The following GATAD2A variants were observed in gnomAD, a reference collection of about 807,000 sequenced individuals.
GATAD2A encodes the protein GATA zinc finger domain containing 2A.
A neutral mutation model predicts 68.5 loss-of-function variants in GATAD2A; 12 were observed. That is an observed-to-expected ratio of 0.18 (90% CI 0.11 to 0.28). The LOEUF (loss-of-function observed/expected upper bound fraction) is 0.28, where lower values mean the gene tolerates loss of function less well. Ranked by LOEUF, GATAD2A falls within the 10% of genes least tolerant of loss-of-function variation. GATAD2A has a pLI of 1.00. For synonymous variants in GATAD2A, 410 were observed against 375.3 expected (o/e 1.09, Z -1.07); for missense variants, 755 against 868.5 (o/e 0.87, Z 1.64).
intron 1 of GATAD2A, among the ~76,000 whole-genome samples, chr19:19,424,725 CAG>C (rs2052860747): frequency 6.6e-6 from 1 of 152,144 alleles, no homozygotes; most frequent in South Asian, 2.1e-4. Context: ...TCTGGGGCCT[CAG>C]AGGCAGCGAC....
intron 1 of GATAD2A, among the ~76,000 whole-genome samples, chr19:19,407,213 G>A (rs2050381893): frequency 6.6e-6 from 1 of 152,174 alleles, no homozygotes; most frequent in African/African-American, 2.4e-5. Flanking sequence ...AACTCTTCTG[G>A]TAGTCGTTAC....
At position 19,500,121 on chromosome 19, in the gene GATAD2A, G is replaced by A. The variant is rs1001710502; in HGVS notation, c.1205-997G>A. The stretch of plus-strand genomic sequence containing the variant: ...TCAGTCTCCCTCTCCTGTTGCCAAG[G>A]ATAGGACCTCACTGTGGGAGAGACT... On this transcript the variant is annotated intron_variant, in intron 8 of 11. Transcript: ENST00000683918. 3.3e-5 allele frequency among the ~76,000 whole-genome samples: 5 copies of A among 152,228 alleles called. No individual in the cohort carries two copies. In the East Asian group the frequency reaches 9.6e-4, roughly 29 times the overall value.
intron 1 of GATAD2A, among the ~76,000 whole-genome samples, chr19:19,462,388 G>A (rs1049402523): frequency 2.0e-5 from 3 of 152,114 alleles, no homozygotes; most frequent in African/African-American, 4.8e-5. Context: ...CCCTGCACTC[G>A]GGGGCTGGCC....
chr19:19,476,055 C>T (rs977993373), intron 2 of GATAD2A, among the ~76,000 whole-genome samples: 2 of 152,184 alleles, frequency 1.3e-5, no homozygotes, highest in African/African-American at 4.8e-5. Context: ...TGCCTTTAGA[C>T]GCCCTCCTCT....
chr19:19,443,514 T>C (rs1423664458), intron 1 of GATAD2A, among the ~76,000 whole-genome samples: 3 of 152,170 alleles, frequency 2.0e-5, no homozygotes, highest in Non-Finnish European at 4.4e-5. Flanking sequence ...GTCATGCTTG[T>C]TCTGTAGAGA....
exon 1 of GATAD2A, chr19:19,385,845 T>C (rs1568684088): frequency 6.6e-6 from 1 of 151,972 alleles, no homozygotes; most frequent in Admixed American, 6.6e-5. Flanking sequence ...GCAATTTCAG[T>C]GTGAGACTGA....
At chr19:19,421,508 C>T (rs1395557495) in intron 1 of GATAD2A, among the ~76,000 whole-genome samples, 2 of 152,156 alleles carry the variant, frequency 1.3e-5, no homozygotes, top group Non-Finnish European at 2.9e-5. Context: ...ACACTGAGAG[C>T]AGCGCGCTTC....
chr19:19,449,318 T>C (rs767682748), intron 1 of GATAD2A, among the ~76,000 whole-genome samples: 12 of 151,048 alleles, frequency 7.9e-5, no homozygotes, highest in Non-Finnish European at 1.6e-4. Flanking sequence ...CCAGAGCTGC[T>C]CTCCACTGTG....
chr19:19,461,175 G>A (rs1030995918), intron 1 of GATAD2A, among the ~76,000 whole-genome samples: 2 of 152,198 alleles, frequency 1.3e-5, no homozygotes, highest in African/African-American at 2.4e-5. Context: ...TGCTGCTCCC[G>A]CCAGTGCTTT....
intron 2 of GATAD2A, among the ~76,000 whole-genome samples, chr19:19,477,213 A>G (rs2058730299): frequency 1.3e-5 from 2 of 152,126 alleles, no homozygotes; most frequent in South Asian, 4.1e-4. Flanking sequence ...GGTGGGAGAC[A>G]AGGGAGGGGA....
At position 19,502,590 on chromosome 19, in the gene GATAD2A, C is replaced by T. The variant is rs60542032; in HGVS notation, c.1774+64C>T. 2,212 of 1,286,084 alleles carry T rather than the reference C, an allele frequency of 1.7e-3. 31 individuals are homozygous for T. In the African/African-American group the frequency reaches 0.026, roughly 15 times the overall value. The allele number at this position is 1,286,084 out of a possible 1,614,324, so 79.7% of individuals were successfully genotyped here. A position where few individuals can be genotyped will look rare whatever the true frequency, so the allele number is the denominator to read the frequency against. Reference sequence around the variant, plus strand: ...ATTGTGGGGTTCACCCTTCCTTAACCGAAACAGAGGCACATGTGCAGCGGG... The same window carrying T: ...ATTGTGGGGTTCACCCTTCCTTAACTGAAACAGAGGCACATGTGCAGCGGG... On this transcript the variant is annotated intron_variant, in intron 11 of 11. Transcript: ENST00000683918.
intron 7 of GATAD2A, among the ~76,000 whole-genome samples, chr19:19,496,755 A>G (rs6511038): frequency 1.3e-5 from 2 of 151,976 alleles, no homozygotes; most frequent in Non-Finnish European, 2.9e-5. Context: ...GTCCCCACCC[A>G]CTGGAAGTAG....
At chr19:19,417,721 G>A (rs150695895) in intron 1 of GATAD2A, among the ~76,000 whole-genome samples, 139 of 152,318 alleles carry the variant, frequency 9.1e-4, no homozygotes, top group African/African-American at 3.1e-3. Flanking sequence ...CAGAAGAAAG[G>A]CCATTGATAA....
At chr19:19,422,970 T>C (rs976215317) in intron 1 of GATAD2A, among the ~76,000 whole-genome samples, 2 of 152,086 alleles carry the variant, frequency 1.3e-5, no homozygotes, top group African/African-American at 2.4e-5. Flanking sequence ...CTCGGCCTCC[T>C]GAAGTGCTGG....
intron 1 of GATAD2A, among the ~76,000 whole-genome samples, chr19:19,406,477 C>CGGA (rs1318036072): frequency 6.7e-6 from 1 of 148,430 alleles, no homozygotes; most frequent in Non-Finnish European, 1.5e-5. Flanking sequence ...GCGGCGGCGG[C>CGGA]GGATCCCGTG....
At chr19:19,426,627 C>T (rs2053124724) in intron 1 of GATAD2A, among the ~76,000 whole-genome samples, 1 of 152,186 alleles carries the variant, frequency 6.6e-6, no homozygotes, top group African/African-American at 2.4e-5. Flanking sequence ...TCTTGTGCCT[C>T]AGCCTCCCGA....
chr19:19,446,903 A>G (rs1420927220), intron 1 of GATAD2A, among the ~76,000 whole-genome samples: 1 of 152,222 alleles, frequency 6.6e-6, no homozygotes, highest in Non-Finnish European at 1.5e-5. Context: ...TTCTGTCAGG[A>G]TGAAGACATT....
chr19:19,489,159 A>G (rs570534896), intron 2 of GATAD2A, among the ~76,000 whole-genome samples: 1 of 152,376 alleles, frequency 6.6e-6, no homozygotes, highest in East Asian at 1.9e-4. Flanking sequence ...TTAGAAACTT[A>G]GAGGGGCCAG....
intron 11 of GATAD2A, among the ~76,000 whole-genome samples, chr19:19,502,756 C>T (rs2073286217): frequency 6.6e-6 from 1 of 152,252 alleles, no homozygotes. Context: ...CACCCAGGCT[C>T]AGTCTTTGAC....
Sources: gnomAD v4.1 joint callset for allele counts (sites outside exome capture counted in the v4.1 genomes callset) on GRCh38, gnomAD v4.1.1 for gene constraint, MANE v1.5 for transcripts, NCBI Gene and HGNC (gene_info 2026-07-23, HGNC 2026-07-21) for gene names.